Variants in AFDN observed in about 807,000 individuals in gnomAD.
The protein encoded by AFDN is afadin.
A neutral mutation model predicts 216.6 loss-of-function variants in AFDN; 68 were observed. That is an observed-to-expected ratio of 0.31 (90% CI 0.26 to 0.38). The LOEUF is 0.38. Among genes scored for constraint, AFDN ranks in the 10% least tolerant of loss-of-function variants. The probability of loss-of-function intolerance (pLI) is 1.00; values close to 1 mark genes in which losing one functional copy is unlikely to be tolerated. For synonymous variants in AFDN, 868 were observed against 853.7 expected (o/e 1.02, Z -0.29); for missense variants, 2,136 against 2,342.0 (o/e 0.91, Z 1.82).
chr6:167,872,467 A>G, intron 4 of AFDN, 90 bp downstream of exon 4: 1 of 1,351,582 alleles, frequency 7.4e-7, no homozygotes, highest in Non-Finnish European at 1.0e-6. Flanking sequence ...CAGATAAATT[A>G]TGGAAAGGAT....
Position 167,970,957 on chromosome 6 carries a change from T to C in AFDN, c.*1022T>C. ...ATCTGTAACTTAAATATTGTAAGAA[T>C]AACTCATATGGAAGTTCAAGCTATT... is the stretch of plus-strand genomic sequence containing the variant. On this transcript the variant is annotated 3_prime_UTR_variant, in exon 34 of 34. Transcript: ENST00000683244. 4.7e-6 allele frequency: 1 copy of C among 212,810 alleles called. No homozygotes were observed. The highest frequency in any genetic ancestry group is 9.5e-6 in the Non-Finnish European group (1 of 105,150). The allele number at this position is 212,810 out of a possible 1,614,324, so 13.2% of individuals were successfully genotyped here.
At chr6:167,927,700 G>A (rs1792747857) in intron 23 of AFDN, among the ~76,000 whole-genome samples, 1 of 152,148 alleles carries the variant, frequency 6.6e-6, no homozygotes, top group Non-Finnish European at 1.5e-5. Context: ...ACCTGTGCAG[G>A]CAGAGGGTAG....
chr6:167,900,434 A>G (rs1027966476), intron 11 of AFDN, among the ~76,000 whole-genome samples: 1 of 152,234 alleles, frequency 6.6e-6, no homozygotes, highest in Non-Finnish European at 1.5e-5. Context: ...CCAGGGCATG[A>G]GCTACTATTC....
Position 167,970,911 on chromosome 6 carries a change from G to A in AFDN, c.*976G>A, listed in dbSNP as rs1583100836. ...CGATTTTCATCTGTATGCCGTCAAG[G>A]AAGGAATTCAGTTACAGGGCATCTG... On this transcript the variant is annotated 3_prime_UTR_variant, in exon 34 of 34. Coordinates refer to ENST00000683244, the MANE Select transcript of AFDN (RefSeq NM_001386888.1). 6 of 213,332 alleles carry A rather than the reference G, an allele frequency of 2.8e-5. No homozygotes were observed. In the East Asian group the frequency reaches 4.2e-4, roughly 15 times the overall value. The allele number at this position is 213,332 out of a possible 1,614,324, so 13.2% of individuals were successfully genotyped here. A position where few individuals can be genotyped will look rare whatever the true frequency, so the allele number is the denominator to read the frequency against.
intron 23 of AFDN, among the ~76,000 whole-genome samples, chr6:167,928,872 G>A (rs554719678): frequency 6.6e-6 from 1 of 152,336 alleles, no homozygotes; most frequent in East Asian, 1.9e-4. Context: ...ACACAAGGAA[G>A]CCTCAGAAGA....
At chr6:167,828,085 G>T (rs1779400692) in intron 1 of AFDN, among the ~76,000 whole-genome samples, 1 of 152,210 alleles carries the variant, frequency 6.6e-6, no homozygotes. Flanking sequence ...CTCCGCAAGG[G>T]TCGGTTCCGC....
intron 8 of AFDN, 22 bp downstream of exon 8, chr6:167,891,051 G>GCA (rs1787506917): frequency 2.6e-6 from 4 of 1,552,418 alleles, no homozygotes; most frequent in African/African-American, 2.8e-5. Context: ...GGTCACACCA[G>GCA]CACACATTAT....
intron 30 of AFDN, among the ~76,000 whole-genome samples, chr6:167,955,063 A>G (rs900412939): frequency 6.6e-6 from 1 of 152,218 alleles, no homozygotes; most frequent in African/African-American, 2.4e-5. Context: ...TGTAAATTCA[A>G]AGTGTTCATT....
At chr6:167,904,916 A>G (rs1789465615) in intron 12 of AFDN, among the ~76,000 whole-genome samples, 1 of 152,006 alleles carries the variant, frequency 6.6e-6, no homozygotes, top group Non-Finnish European at 1.5e-5. Flanking sequence ...CAACCCATAT[A>G]TCAGTCTTCA....
intron 31 of AFDN, chr6:167,964,687 T>TAG: frequency 9.5e-7 from 1 of 1,052,830 alleles, no homozygotes; most frequent in Non-Finnish European, 1.1e-6. Flanking sequence ...AGGGAGAAAA[T>TAG]ACAGGATGAA....
chr6:167,944,881 C>T (rs555632144), intron 26 of AFDN, among the ~76,000 whole-genome samples: 82 of 152,152 alleles, frequency 5.4e-4, no homozygotes, highest in African/African-American at 1.9e-3. Flanking sequence ...GGTGCGTCCA[C>T]GAGTGAGTAG....
At chr6:167,953,271 T>A (rs1178659506) in intron 30 of AFDN, among the ~76,000 whole-genome samples, 4 of 152,206 alleles carry the variant, frequency 2.6e-5, no homozygotes, top group African/African-American at 9.6e-5. Flanking sequence ...GGTCAGACAT[T>A]TTAATCTTTC....
At position 167,848,067 on chromosome 6, in the gene AFDN, A is replaced by G. The variant is rs142229977; in HGVS notation, c.106-16484A>G. On this transcript the variant is annotated intron_variant, in intron 1 of 33. Coordinates refer to ENST00000683244, the MANE Select transcript of AFDN (RefSeq NM_001386888.1). ...CAATTAGGCTTTGCTCAAGTATCCT[A>G]GAAGTCTTTGTTGATTTACCCTATG... 9.8e-5 allele frequency among the ~76,000 whole-genome samples: 15 copies of G among 152,286 alleles called. No individual in the cohort carries two copies. The East Asian group carries it at 2.7e-3, about 27-fold the overall frequency.
chr6:167,952,485 A>G (rs1796105388), intron 30 of AFDN: 5 of 985,446 alleles, frequency 5.1e-6, no homozygotes, highest in South Asian at 9.4e-5. Flanking sequence ...CAGTTGAGAA[A>G]ACAAGTATTT....
chr6:167,852,081 T>C, intron 1 of AFDN, among the ~76,000 whole-genome samples: 1 of 152,190 alleles, frequency 6.6e-6, no homozygotes, highest in East Asian at 1.9e-4. Flanking sequence ...AAACCCGTCA[T>C]GTTATTTCTT....
At position 167,839,678 on chromosome 6, in the gene AFDN, C is replaced by T. The variant is rs573784473; in HGVS notation, c.105+12441C>T. On this transcript the variant is annotated intron_variant, in intron 1 of 33. Coordinates refer to ENST00000683244, the MANE Select transcript of AFDN (RefSeq NM_001386888.1). ...GTGTTCCTTTCTGTCTCCATTTCCA[C>T]GTTCACTCATTGAGTGGTCATCCAC... Among the ~76,000 whole-genome samples the T allele has an allele frequency of 9.2e-5, 14 of 152,274 alleles. No individual in the cohort carries two copies. In the South Asian group the frequency reaches 2.3e-3, roughly 25 times the overall value.
At position 167,962,686 on chromosome 6, in the gene AFDN, C is replaced by A; in HGVS notation, c.4968+119C>A. 6.4e-7 allele frequency: 1 copy of A among 1,556,788 alleles called. No homozygotes were observed. Among genetic ancestry groups the A allele is most frequent in the Non-Finnish European group, 8.7e-7 (1 of 1,150,658 alleles). ...TTAAGAAGCACGAGGCAGAGCAGGG[C>A]CTGGCTCCCCCAGCTTTGTGATTGG... On this transcript the variant is annotated intron_variant, in intron 31 of 33. Transcript: ENST00000683244. This position sits in a 1 kb window ranked among gnomAD's most constrained non-coding sequence, Gnocchi z 5.2.
At chr6:167,913,907 C>T in intron 16 of AFDN, 1 of 491,258 alleles carries the variant, frequency 2.0e-6, no homozygotes, top group South Asian at 3.0e-5. Flanking sequence ...CATTTCTCCG[C>T]TGATTCCATC....
intron 1 of AFDN, among the ~76,000 whole-genome samples, chr6:167,835,186 A>G (rs911182063): frequency 1.3e-5 from 2 of 152,212 alleles, no homozygotes; most frequent in Non-Finnish European, 2.9e-5. Flanking sequence ...GAAAAATTGT[A>G]AGTATAGGGA....
Sources: gnomAD v4.1 joint callset for allele counts (sites outside exome capture counted in the v4.1 genomes callset) on GRCh38, gnomAD v4.1.1 for gene constraint, Gnocchi (gnomAD v3.1) non-coding constraint, MANE v1.5 for transcripts, NCBI Gene and HGNC (gene_info 2026-07-23, HGNC 2026-07-21) for gene names.